Variants in HIRA observed in about 807,000 individuals in gnomAD.
The protein encoded by HIRA is histone cell cycle regulator.
In HIRA, 13 loss-of-function variants were observed where a neutral mutation model predicts 126.6. That is an observed-to-expected ratio of 0.10 (90% CI 0.07 to 0.16). The LOEUF (loss-of-function observed/expected upper bound fraction) is 0.16, where lower values mean the gene tolerates loss of function less well. HIRA is among the 10% of genes least tolerant of loss of function. HIRA has a pLI of 1.00. For synonymous variants in HIRA, 511 were observed against 520.0 expected (o/e 0.98, Z 0.24); for missense variants, 834 against 1,314.4 (o/e 0.63, Z 5.65).
rs782026745 is a variant in HIRA, at chr22:19,331,363, T to C, written c.*77A>G. 2 of 1,605,338 alleles carry C rather than the reference T, an allele frequency of 1.2e-6. No individual in the cohort carries two copies. Among genetic ancestry groups the C allele is most frequent in the African/African-American group, 2.7e-5 (2 of 74,878 alleles). ...CTCCTCCCCCTACAGCCTGGTCAGG[T>C]GAGAGGCGGTCCTGCATGTCATCAG... On this transcript the variant is annotated 3_prime_UTR_variant, in exon 25 of 25. Transcript: ENST00000263208.
chr22:19,361,133 G>A (rs1847477143), intron 17 of HIRA, 104 bp downstream of exon 17: 2 of 907,822 alleles, frequency 2.2e-6, no homozygotes, highest in Admixed American at 4.1e-5. Context: ...AGAGCCACTG[G>A]AAACCAATCT....
At position 19,351,307 on chromosome 22, in the gene HIRA, C is replaced by T; in HGVS notation, c.2937+51G>A. On this transcript the variant is annotated intron_variant, in intron 24 of 24. Transcript: ENST00000263208. The surrounding 1 kb of genome is among the most constrained non-coding windows in gnomAD (Gnocchi z 4.8). ...TTTGGCTTATTTAAAAAATCTCCAC[C>T]TTCATGTTTCAAGAAAGAATTCTTG... 6.3e-7 allele frequency: 1 copy of T among 1,574,954 alleles called. No homozygotes were observed.
Position 19,431,598 on chromosome 22 carries a change from C to G in HIRA, c.-122G>C, listed in dbSNP as rs545333097. 1,924 of 901,628 alleles carry G rather than the reference C, an allele frequency of 2.1e-3. 27 individuals carry two copies. The African/African-American group carries it at 0.032, about 15-fold the overall frequency. The allele number at this position is 901,628 out of a possible 1,614,324, so 55.9% of individuals were successfully genotyped here. ...CGCCCTCCGGCCGCCGCCCGCCCCG[C>G]GCCCTCAGGGCCGCCGCGCCATCGC... On this transcript the variant is annotated 5_prime_UTR_variant, in exon 1 of 25. Coordinates refer to ENST00000263208, the MANE Select transcript of HIRA (RefSeq NM_003325.4).
Position 19,397,975 on chromosome 22 carries a change from C to G in HIRA, c.493+17G>C. 6.2e-7 allele frequency: 1 copy of G among 1,603,084 alleles called. No individual in the cohort carries two copies. The highest frequency in any genetic ancestry group is 8.5e-7 in the Non-Finnish European group (1 of 1,170,698). ...GCAGTACTGCTTGCTGTTAACCAGT[C>G]AGAGGAGGCCCCAGACCTGGGAACT... On this transcript the variant is annotated intron_variant, in intron 6 of 24. Coordinates refer to ENST00000263208, the MANE Select transcript of HIRA (RefSeq NM_003325.4).
rs782530024 is a variant in HIRA at position 19,353,346 on chromosome 22, G to A, written c.2848+10C>T. 6.2e-7 allele frequency: 1 copy of A among 1,612,436 alleles called. No individual in the cohort carries two copies. The highest frequency in any genetic ancestry group is 8.5e-7 in the Non-Finnish European group (1 of 1,179,972). Reference sequence around the variant, plus strand: ...AGGAGAAGGCTGCTCAGGGCTGCCAGGAGCCTCACCTTCGTTTACGAGGTA... The same window carrying A: ...AGGAGAAGGCTGCTCAGGGCTGCCAAGAGCCTCACCTTCGTTTACGAGGTA... On this transcript the variant is annotated intron_variant, in intron 23 of 24. Coordinates refer to ENST00000263208, the MANE Select transcript of HIRA (RefSeq NM_003325.4).
chr22:19,338,925 A>C (rs782585005), intron 24 of HIRA, among the ~76,000 whole-genome samples: 8 of 152,200 alleles, frequency 5.3e-5, no homozygotes, highest in Non-Finnish European at 8.8e-5. Flanking sequence ...GAAACAATGG[A>C]CTTACACTAT....
chr22:19,390,966 T>G (rs886642901), intron 9 of HIRA, among the ~76,000 whole-genome samples: 6 of 152,134 alleles, frequency 3.9e-5, no homozygotes, highest in African/African-American at 1.4e-4. Context: ...TTTTGTTTTT[T>G]TTTTTAATTT....
chr22:19,390,779 T>C (rs528823880), intron 9 of HIRA, among the ~76,000 whole-genome samples: 235 of 152,076 alleles, frequency 1.5e-3, no homozygotes, highest in Non-Finnish European at 1.6e-3. Context: ...TAAGCACTTA[T>C]CTGTCTTGGT....
At chr22:19,389,483 A>G (rs2089157722) in intron 9 of HIRA, among the ~76,000 whole-genome samples, 1 of 152,160 alleles carries the variant, frequency 6.6e-6, no homozygotes, top group Non-Finnish European at 1.5e-5. Flanking sequence ...TGTGGGGCTG[A>G]GCGTCCCAGT....
intron 1 of HIRA, among the ~76,000 whole-genome samples, chr22:19,424,344 G>A (rs142402303): frequency 1.3e-5 from 2 of 152,320 alleles, no homozygotes; most frequent in East Asian, 3.9e-4. Flanking sequence ...GTCCAAGGCT[G>A]GGGCACAGAC....
At chr22:19,383,083 T>C (rs1274156127) in intron 13 of HIRA, among the ~76,000 whole-genome samples, 4 of 151,942 alleles carry the variant, frequency 2.6e-5, no homozygotes, top group African/African-American at 7.3e-5. Context: ...GATAATCAGA[T>C]AGCAAACACC....
At chr22:19,367,471 A>T (rs772057644) in intron 15 of HIRA, among the ~76,000 whole-genome samples, 69 of 150,320 alleles carry the variant, frequency 4.6e-4, no homozygotes, top group Non-Finnish European at 1.5e-4. Flanking sequence ...GGTTCAAGTG[A>T]CTCTCCTGCC....
chr22:19,358,829 A>G (rs896242067), intron 18 of HIRA, among the ~76,000 whole-genome samples: 3 of 152,170 alleles, frequency 2.0e-5, no homozygotes, highest in African/African-American at 7.2e-5. Context: ...GGGCTCACGT[A>G]CAGTTCTAGG....
intron 6 of HIRA, among the ~76,000 whole-genome samples, chr22:19,397,747 C>T (rs560998781): frequency 5.3e-5 from 8 of 152,234 alleles, no homozygotes; most frequent in Non-Finnish European, 1.2e-4. Context: ...CAACAGCTGC[C>T]CATCCATTAC....
At chr22:19,412,491 A>C (rs2089362051) in intron 1 of HIRA, among the ~76,000 whole-genome samples, 1 of 152,258 alleles carries the variant, frequency 6.6e-6, no homozygotes, top group African/African-American at 2.4e-5. Context: ...TTTTCTGCTT[A>C]AGCCAGCTTG....
chr22:19,408,369 A>G lies in HIRA; in HGVS notation c.211+114T>C. The G allele has an allele frequency of 4.5e-6, 3 of 661,286 alleles. No homozygotes were observed. In the South Asian group the frequency reaches 5.0e-5, roughly 11 times the overall value. 41.0% of individuals were successfully genotyped at this position (661,286 alleles called of 1,614,324 possible). ...GCCAACATCTGTGCCTTCAGACAGC[A>G]GGCCGAGGGGAGTTACCGCCGCACG... is the stretch of plus-strand genomic sequence containing the variant. On this transcript the variant is annotated intron_variant, in intron 3 of 24. Transcript: ENST00000263208.
chr22:19,408,423 T>C lies in HIRA; in HGVS notation c.211+60A>G, dbSNP rs2089324283. The C allele has an allele frequency of 4.7e-6, 5 of 1,054,488 alleles. 1 individual carries two copies. Among genetic ancestry groups the C allele is most frequent in the Non-Finnish European group, 4.5e-6 (3 of 671,508 alleles). 65.3% of individuals were successfully genotyped at this position (1,054,488 alleles called of 1,614,324 possible). ...CCTTATCTTTCTAATTACAAACACA[T>C]GTGCTAACCTTGGGCACTCTGCCAA... On this transcript the variant is annotated intron_variant, in intron 3 of 24. Transcript: ENST00000263208.
chr22:19,393,611 C>G (rs1166097297), intron 8 of HIRA, among the ~76,000 whole-genome samples: 8 of 152,162 alleles, frequency 5.3e-5, no homozygotes, highest in African/African-American at 1.7e-4. Context: ...CCACCACAGC[C>G]TCCCAAAGTG....
intron 5 of HIRA, among the ~76,000 whole-genome samples, chr22:19,401,223 T>C (rs113942925): frequency 0.029 from 4,409 of 152,234 alleles, 79 homozygotes; most frequent in African/African-American, 0.038. Context: ...CTATCCTTGG[T>C]CTTCACTTTG....
Sources: gnomAD v4.1 joint callset for allele counts (sites outside exome capture counted in the v4.1 genomes callset) on GRCh38, gnomAD v4.1.1 for gene constraint, Gnocchi (gnomAD v3.1) non-coding constraint, MANE v1.5 for transcripts, NCBI Gene and HGNC (gene_info 2026-07-23, HGNC 2026-07-21) for gene names.